The following SGO2 variants were observed in gnomAD, a reference collection of about 807,000 sequenced individuals.
The protein encoded by SGO2 is shugoshin 2.
In SGO2, 68 loss-of-function variants were observed where a neutral mutation model predicts 99.5. That is an observed-to-expected ratio of 0.68 (90% confidence interval 0.56 to 0.84). The LOEUF (loss-of-function observed/expected upper bound fraction) is 0.84. Ranked by LOEUF, SGO2 falls within the 40% of genes least tolerant of loss-of-function variation. SGO2 has a pLI of 0.00. For synonymous variants in SGO2, 457 were observed against 487.1 expected (o/e 0.94, Z 0.81); for missense variants, 1,350 against 1,436.7 (o/e 0.94, Z 0.97).
chr2:200,557,080 T>C (rs909446400), intron 5 of SGO2, among the ~76,000 whole-genome samples: 1 of 152,244 alleles, frequency 6.6e-6, no homozygotes, highest in African/African-American at 2.4e-5. Context: ...TGTATGTGCC[T>C]AATCCTGTCA....
At chr2:200,549,504 A>G (rs898105893) in intron 5 of SGO2, among the ~76,000 whole-genome samples, 6 of 152,196 alleles carry the variant, frequency 3.9e-5, no homozygotes, top group Non-Finnish European at 7.3e-5. Context: ...AAAATCCTCA[A>G]CAAAGTACTA....
intron 5 of SGO2, 59 bp from the exon 6 acceptor site, chr2:200,569,604 G>A: frequency 7.9e-7 from 1 of 1,264,526 alleles, no homozygotes; most frequent in Non-Finnish European, 1.1e-6. Flanking sequence ...AACTGCCCAT[G>A]CATTTAAAGA....
chr2:200,569,780 T>G lies in SGO2; in HGVS notation c.591T>G (p.Pro197=). 1 of 1,611,452 alleles carries G rather than the reference T, an allele frequency of 6.2e-7. No homozygotes were observed. The highest frequency in any genetic ancestry group is 8.5e-7 in the Non-Finnish European group (1 of 1,177,800). Residue 197 remains proline, a synonymous_variant, in exon 6 of 9, where the codon CCT becomes CCG. Transcript: ENST00000357799. ...DIPSSGSTTQ[P]LSTQDNSEVL... is the part of the protein sequence containing the mutation. The stretch of plus-strand genomic sequence containing the variant: ...CCTCTTCAGGATCAACAACACAACC[T>G]TTATCAACTCAGGATAATTCGGAAG...
chr2:200,534,377 C>T (rs765213290), intron 2 of SGO2, among the ~76,000 whole-genome samples: 21 of 152,156 alleles, frequency 1.4e-4, no homozygotes, highest in Admixed American at 1.1e-3. Context: ...AAAGAGGAGT[C>T]GAGTTTAGAT....
rs998062162 is a variant in SGO2, at chr2:200,570,552, T to C, written c.704-498T>C. Among the ~76,000 whole-genome samples, 8 of 150,288 alleles carry C rather than the reference T, an allele frequency of 5.3e-5. No individual in the cohort carries two copies. Among genetic ancestry groups the C allele is most frequent in the Non-Finnish European group, 8.9e-5 (6 of 67,480 alleles). On this transcript the variant is annotated intron_variant, in intron 6 of 8. Coordinates refer to ENST00000357799, the MANE Select transcript of SGO2 (RefSeq NM_152524.6). This position sits in a 1 kb window ranked among gnomAD's most constrained non-coding sequence, Gnocchi z 4.4. ...TATAATATATACACACACACATATATACACACATATATATGGTATACATAT... is the reference window on the plus strand; with the variant it reads ...TATAATATATACACACACACATATACACACACATATATATGGTATACATAT...
Position 200,573,491 on chromosome 2 carries a change from AC to A in SGO2, c.3147del (p.Thr1050LeufsTer2). 2.5e-6 allele frequency: 4 copies of A among 1,612,678 alleles called. No individual in the cohort carries two copies. Among genetic ancestry groups the A allele is most frequent in the Non-Finnish European group, 3.4e-6 (4 of 1,179,306 alleles). ...ELCKTQKQST[T>X]TLNKKDLPFV... The stretch of plus-strand genomic sequence containing the variant: ...ATGTAAGACTCAGAAGCAAAGCACT[AC>A]CACTTTGAATAAAAAAGATCTCCCT... On this transcript the variant is annotated frameshift_variant, in exon 7 of 9. Transcript: ENST00000357799. LOFTEE classifies it high-confidence loss of function.
At chr2:200,551,451 G>A (rs2032480562) in intron 5 of SGO2, among the ~76,000 whole-genome samples, 2 of 152,132 alleles carry the variant, frequency 1.3e-5, no homozygotes, top group South Asian at 4.1e-4. Context: ...GTTACCAGAG[G>A]CTGGGAAGGG....
chr2:200,578,844 C>T (rs1359897986), intron 8 of SGO2, among the ~76,000 whole-genome samples: 1 of 151,960 alleles, frequency 6.6e-6, no homozygotes, highest in Non-Finnish European at 1.5e-5. Context: ...TCATTGTTTC[C>T]CTCACTGTTC....
rs1354405196 is a variant in SGO2 at position 200,573,706 on chromosome 2, GA to G, written c.3362del (p.Asn1121MetfsTer39). The G allele has an allele frequency of 6.2e-7, 1 of 1,612,948 alleles. No individual in the cohort carries two copies. Among genetic ancestry groups the G allele is most frequent in the Non-Finnish European group, 8.5e-7 (1 of 1,179,444 alleles). On this transcript the variant is annotated frameshift_variant, in exon 7 of 9. Transcript: ENST00000357799. LOFTEE classifies it high-confidence loss of function. ...EQADKENNLE[N>X]EKMVKNKPDF... Reference sequence around the variant, plus strand: ...AAGCTGATAAGGAAAACAATTTGGAGAATGAGAAAATGGTCAAAAATAAGCC... The same window carrying G: ...AAGCTGATAAGGAAAACAATTTGGAGATGAGAAAATGGTCAAAAATAAGCC...
At position 200,575,326 on chromosome 2, in the gene SGO2, A is replaced by G. The variant is rs1218045122; in HGVS notation, c.3647A>G (p.Gln1216Arg). Residue 1216 changes from glutamine to arginine, a missense_variant, in exon 8 of 9, where the codon CAG (glutamine) becomes CGG (arginine). By Grantham distance (43) the Gln-to-Arg change is conservative (BLOSUM62 1). Coordinates refer to ENST00000357799, the MANE Select transcript of SGO2 (RefSeq NM_152524.6). Reference protein sequence around the residue: ...QKSGIGDRPLQDLSNTSFVSN... With the variant: ...QKSGIGDRPLRDLSNTSFVSN... The stretch of plus-strand genomic sequence containing the variant: ...TCTTTTTCAGGTGATAGACCATTAC[A>G]GGACTTGTCAAATACCAGTTTTGTT... The G allele has an allele frequency of 6.3e-7, 1 of 1,598,330 alleles. No individual in the cohort carries two copies. The highest frequency in any genetic ancestry group is 2.2e-5 in the East Asian group (1 of 44,648).
At chr2:200,553,257 G>A (rs1476196205) in intron 5 of SGO2, among the ~76,000 whole-genome samples, 1 of 152,144 alleles carries the variant, frequency 6.6e-6, no homozygotes, top group East Asian at 1.9e-4. Context: ...TTCTACAACA[G>A]TAAAACAAAA....
At position 200,571,399 on chromosome 2, in the gene SGO2, T is replaced by A. The variant is rs776951173; in HGVS notation, c.1053T>A (p.Asn351Lys). 20 of 1,609,586 alleles carry A rather than the reference T, an allele frequency of 1.2e-5. No individual in the cohort carries two copies. The highest frequency in any genetic ancestry group is 1.0e-4 in the Admixed American group (6 of 59,686). The change falls in exon 7 of 9, where the codon AAT becomes AAA. Residue 351 changes from asparagine to lysine, a missense_variant. Physicochemically the swap from Asn to Lys is moderately conservative, Grantham distance 94. Coordinates refer to ENST00000357799, the MANE Select transcript of SGO2 (RefSeq NM_152524.6). ...NAECMNQIED[N>K]DDFQLQKTVY... ...AGTGCATGAATCAAATTGAGGATAA[T>A]GATGACTTTCAATTGCAGAAAACTG...
intron 2 of SGO2, among the ~76,000 whole-genome samples, chr2:200,534,313 C>T (rs188351761): frequency 5.8e-4 from 88 of 152,204 alleles, no homozygotes; most frequent in African/African-American, 1.9e-3. Flanking sequence ...TTCTTTGCTT[C>T]CAACAGAAAA....
chr2:200,571,823 G>A lies in SGO2; in HGVS notation c.1477G>A (p.Glu493Lys). The change falls in exon 7 of 9, where the codon GAG (glutamate) becomes AAG (lysine). Residue 493 changes from glutamate (E) to lysine (K), a missense_variant. By Grantham distance (56) the Glu-to-Lys change is moderately conservative. Coordinates refer to ENST00000357799, the MANE Select transcript of SGO2 (RefSeq NM_152524.6). ...DRENVLCNKK[E>K]KRITNEQEET... Reference sequence around the variant, plus strand: ...AGAAAATGTACTGTGTAATAAAAAGGAGAAAAGAATAACAAATGAGCAAGA... The same window carrying A: ...AGAAAATGTACTGTGTAATAAAAAGAAGAAAAGAATAACAAATGAGCAAGA... The A allele has an allele frequency of 6.2e-7, 1 of 1,613,262 alleles. No homozygotes were observed. Among genetic ancestry groups the A allele is most frequent in the Non-Finnish European group, 8.5e-7 (1 of 1,179,572 alleles).
Position 200,570,143 on chromosome 2 carries a change from G to A in SGO2, c.703+251G>A. 1 of 423,888 alleles carries A rather than the reference G, an allele frequency of 2.4e-6. No individual in the cohort carries two copies. The highest frequency in any genetic ancestry group is 3.5e-5 in the East Asian group (1 of 28,628). The allele number at this position is 423,888 out of a possible 1,614,324, so 26.3% of individuals were successfully genotyped here. ...ATTTAGAAATAAATGGACCTAATGA[G>A]CTTTTCTCAATATCTTAGCTTATGA... On this transcript the variant is annotated intron_variant, in intron 6 of 8. Coordinates refer to ENST00000357799, the MANE Select transcript of SGO2 (RefSeq NM_152524.6). This position sits in a 1 kb window ranked among gnomAD's most constrained non-coding sequence, Gnocchi z 4.4.
intron 5 of SGO2, 39 bp downstream of exon 5, chr2:200,542,703 AG>A (rs773802186): frequency 6.6e-7 from 1 of 1,518,212 alleles, no homozygotes; most frequent in South Asian, 1.1e-5. Flanking sequence ...CAGAGTATAT[AG>A]ATTTTATATA....
chr2:200,571,558 C>A lies in SGO2; in HGVS notation c.1212C>A (p.Ser404=), dbSNP rs776558879. Residue 404 remains serine (S), a synonymous_variant, in exon 7 of 9, where the codon TCC becomes TCA. Transcript: ENST00000357799. ...AAACTTTCAGAAAAGTGAAAGATTC[C>A]AGCTCTGAAAAAAAGAGAGAAAGAT... ...GMKTFRKVKD[S]SSEKKRERSK... The A allele has an allele frequency of 1.2e-5, 19 of 1,610,940 alleles. No homozygotes were observed. The highest frequency in any genetic ancestry group is 1.6e-5 in the Non-Finnish European group (19 of 1,179,196).
chr2:200,571,177 G>T lies in SGO2; in HGVS notation c.831G>T (p.Gly277=), dbSNP rs1316469625. The part of the protein sequence containing the change: ...PSNVTERKKR[G]SSWESNNLSA... Reference sequence around the variant, plus strand: ...ATGTGACTGAAAGGAAGAAGCGTGGGTCATCTTGGGAATCAAATAATCTTT... The same window carrying T: ...ATGTGACTGAAAGGAAGAAGCGTGGTTCATCTTGGGAATCAAATAATCTTT... Residue 277 remains glycine, a synonymous_variant, in exon 7 of 9, where the codon GGG becomes GGT. Transcript: ENST00000357799. 1 of 1,613,548 alleles carries T rather than the reference G, an allele frequency of 6.2e-7. No homozygotes were observed. Among genetic ancestry groups the T allele is most frequent in the Non-Finnish European group, 8.5e-7 (1 of 1,179,696 alleles).
intron 5 of SGO2, among the ~76,000 whole-genome samples, chr2:200,561,761 TGAGA>T (rs1456571377): frequency 8.5e-5 from 13 of 152,168 alleles, no homozygotes; most frequent in Non-Finnish European, 1.6e-4. Flanking sequence ...CTAACTGGTG[TGAGA>T]TGGTATCTCA....
Sources: allele counts gnomAD v4.1 joint callset (sites outside exome capture counted in the v4.1 genomes callset), GRCh38; gene constraint gnomAD v4.1.1; non-coding constraint Gnocchi (gnomAD v3.1); transcripts MANE v1.5; gene names NCBI Gene and HGNC (gene_info 2026-07-23, HGNC 2026-07-21).